Variants in ARHGAP26 observed in about 807,000 individuals in gnomAD.
ARHGAP26 encodes the protein Rho GTPase activating protein 26, also known as rho GTPase-activating protein 26.
In ARHGAP26, 38 loss-of-function variants were observed where a neutral mutation model predicts 104.8. The observed-to-expected ratio is 0.36, with a 90% CI of 0.28 to 0.48. ARHGAP26 has a LOEUF of 0.48. Ranked by LOEUF, ARHGAP26 falls within the 20% of genes least tolerant of loss-of-function variation. The probability of loss-of-function intolerance (pLI) is 0.99; values close to 1 mark genes in which losing one functional copy is unlikely to be tolerated. For synonymous variants in ARHGAP26, 341 were observed against 340.0 expected (o/e 1.00, Z -0.03); for missense variants, 704 against 947.9 (o/e 0.74, Z 3.38).
intron 11 of ARHGAP26, among the ~76,000 whole-genome samples, chr5:142,949,220 AGGAGAGAGAGAGGAGAGAGAG>A (rs1562137028): frequency 1.7e-4 from 3 of 17,396 alleles, no homozygotes; most frequent in Non-Finnish European, 2.7e-4. Context: ...AGAGAGAGAG[AGGAGAGAGAGAGGAGAGAGAG>A]AGAGAGAGAG....
intron 1 of ARHGAP26, among the ~76,000 whole-genome samples, chr5:142,850,458 C>CA (rs1332122906): frequency 2.6e-5 from 4 of 152,030 alleles, no homozygotes; most frequent in African/African-American, 4.8e-5. Flanking sequence ...ACAAAACACA[C>CA]AAAAAAACAA....
intron 1 of ARHGAP26, among the ~76,000 whole-genome samples, chr5:142,805,882 C>T (rs1158847226): frequency 6.6e-6 from 1 of 152,140 alleles, no homozygotes; most frequent in Non-Finnish European, 1.5e-5. Context: ...TTTAACCTTC[C>T]AGTGGCAATA....
At chr5:143,063,520 T>G (rs1212247067) in intron 17 of ARHGAP26, among the ~76,000 whole-genome samples, 2 of 152,340 alleles carry the variant, frequency 1.3e-5, no homozygotes, top group Admixed American at 1.3e-4. Flanking sequence ...GGACCAGACG[T>G]TTTTGGAATT....
chr5:142,933,429 A>G (rs1764998142), intron 11 of ARHGAP26, among the ~76,000 whole-genome samples: 1 of 152,200 alleles, frequency 6.6e-6, no homozygotes, highest in Non-Finnish European at 1.5e-5. Flanking sequence ...ACAGATAGTA[A>G]ATGGCTATAT....
chr5:143,118,953 AAAAG>A (rs372322371), intron 17 of ARHGAP26, among the ~76,000 whole-genome samples: 16 of 152,152 alleles, frequency 1.1e-4, no homozygotes, highest in Admixed American at 2.6e-4. Flanking sequence ...TAAAAAAAAA[AAAAG>A]AAAGAAGAAA....
At chr5:142,881,318 G>C (rs1424018194) in intron 4 of ARHGAP26, among the ~76,000 whole-genome samples, 1 of 152,154 alleles carries the variant, frequency 6.6e-6, no homozygotes, top group Non-Finnish European at 1.5e-5. Flanking sequence ...CTGGCTTGAG[G>C]GTTACCATGG....
chr5:143,099,671 G>A (rs1432072920), intron 17 of ARHGAP26, among the ~76,000 whole-genome samples: 1 of 152,180 alleles, frequency 6.6e-6, no homozygotes, highest in African/African-American at 2.4e-5. Context: ...TTCCATAAGT[G>A]AAGTTCCTCT....
At chr5:142,994,129 G>T (rs770383289) in intron 11 of ARHGAP26, among the ~76,000 whole-genome samples, 1 of 152,228 alleles carries the variant, frequency 6.6e-6, no homozygotes, top group Non-Finnish European at 1.5e-5. Flanking sequence ...AAACATCAGT[G>T]TGAGGTGTGA....
In ARHGAP26 at chr5:142,770,866, C is replaced by T. The variant is rs1229495516; in HGVS notation, c.105C>T (p.Phe35=). 2 of 1,611,542 alleles carry T rather than the reference C, an allele frequency of 1.2e-6. No homozygotes were observed. The highest frequency in any genetic ancestry group is 1.7e-6 in the Non-Finnish European group (2 of 1,178,796). ...HEAELDKTNK[F]IKELIKDGKS... The stretch of plus-strand genomic sequence containing the variant: ...CAGAGCTGGACAAGACCAACAAATT[C>T]ATCAAGGAGCTCATCAAGGACGGGA... Residue 35 remains phenylalanine (F), a synonymous_variant, in exon 1 of 23, where the codon TTC becomes TTT. Transcript: ENST00000645722.
intron 17 of ARHGAP26, among the ~76,000 whole-genome samples, chr5:143,064,490 T>G (rs2150340482): frequency 6.6e-6 from 1 of 151,976 alleles, no homozygotes; most frequent in East Asian, 1.9e-4. Flanking sequence ...CTGGCCTATT[T>G]ATGGGTATGG....
chr5:142,991,812 G>T (rs1293625571), intron 11 of ARHGAP26, among the ~76,000 whole-genome samples: 1 of 152,166 alleles, frequency 6.6e-6, no homozygotes. Context: ...TATGATGTTT[G>T]TAGGGCAACA....
In ARHGAP26 at chr5:143,227,206, G is replaced by A. The variant is rs1599600172; in HGVS notation, c.*4760G>A. On this transcript the variant is annotated 3_prime_UTR_variant, in exon 23 of 23. Transcript: ENST00000645722. ...GGCACCCAGAGTTTGCCCAAGTACT[G>A]AATGTTTTGTGAGCAACCATGTTCC... 4.3e-6 allele frequency: 1 copy of A among 229,902 alleles called. No homozygotes were observed. The highest frequency in any genetic ancestry group is 8.6e-6 in the Non-Finnish European group (1 of 116,036). The allele number at this position is 229,902 out of a possible 1,614,324, so 14.2% of individuals were successfully genotyped here. A position where few individuals can be genotyped will look rare whatever the true frequency, so the allele number is the denominator to read the frequency against.
At chr5:142,984,268 C>T (rs1239612199) in intron 11 of ARHGAP26, among the ~76,000 whole-genome samples, 1 of 152,204 alleles carries the variant, frequency 6.6e-6, no homozygotes, top group Non-Finnish European at 1.5e-5. Context: ...AGAACTGTGT[C>T]ATATTCCTAA....
intron 1 of ARHGAP26, among the ~76,000 whole-genome samples, chr5:142,828,717 G>T (rs1197535478): frequency 6.6e-6 from 1 of 152,196 alleles, no homozygotes; most frequent in Non-Finnish European, 1.5e-5. Flanking sequence ...GGTTTGGCAA[G>T]GGCTTGTCAT....
intron 19 of ARHGAP26, among the ~76,000 whole-genome samples, chr5:143,138,783 A>G (rs1798191313): frequency 6.6e-6 from 1 of 152,226 alleles, no homozygotes; most frequent in African/African-American, 2.4e-5. Context: ...GTGCACCACA[A>G]CAGCCCAACT....
rs1176988583 is a variant in ARHGAP26, at chr5:142,832,539, AT to A, written c.155-40860del. ...GTGAGAAAATAAAGTTCTTTTTCTT[AT>A]GGCAGCTCAAGCTGACTAATACAAA... is the stretch of plus-strand genomic sequence containing the variant. On this transcript the variant is annotated intron_variant, in intron 1 of 22. Transcript: ENST00000645722. Among the ~76,000 whole-genome samples the A allele has an allele frequency of 1.4e-4, 21 of 152,222 alleles. 1 individual carries two copies. The highest frequency in any genetic ancestry group is 1.3e-4 in the Non-Finnish European group (9 of 68,030).
intron 19 of ARHGAP26, among the ~76,000 whole-genome samples, chr5:143,134,984 G>A (rs887420916): frequency 1.3e-5 from 2 of 152,248 alleles, no homozygotes; most frequent in Admixed American, 1.3e-4. Context: ...TGCAGCTGAC[G>A]TTTACACGAC....
intron 5 of ARHGAP26, among the ~76,000 whole-genome samples, chr5:142,887,668 G>T (rs774443903): frequency 7.2e-5 from 11 of 152,124 alleles, no homozygotes; most frequent in Non-Finnish European, 1.3e-4. Flanking sequence ...TGCAGGTTCT[G>T]GTCTGTTCAG....
At chr5:143,031,644 G>T (rs1161762905) in intron 12 of ARHGAP26, among the ~76,000 whole-genome samples, 2 of 151,560 alleles carry the variant, frequency 1.3e-5, no homozygotes, top group Non-Finnish European at 2.9e-5. Context: ...GAAGCTTCAG[G>T]ACATGGCGTT....
Sources: allele counts gnomAD v4.1 joint callset (sites outside exome capture counted in the v4.1 genomes callset), GRCh38; gene constraint gnomAD v4.1.1; transcripts MANE v1.5; gene names NCBI Gene and HGNC (gene_info 2026-07-23, HGNC 2026-07-21).